PIP4P2: variants seen among roughly 807,000 people sequenced by gnomAD.
The protein encoded by PIP4P2 is type 2 phosphatidylinositol 4,5-bisphosphate 4-phosphatase.
In PIP4P2, 19 loss-of-function variants were observed where a neutral mutation model predicts 33.3. The ratio of observed to expected loss-of-function variants is 0.57; its 90% confidence interval spans 0.40 to 0.84. The LOEUF (loss-of-function observed/expected upper bound fraction) is 0.84. Among genes scored for constraint, PIP4P2 ranks in the 40% least tolerant of loss-of-function variants. PIP4P2 has a pLI of 0.00. For synonymous variants in PIP4P2, 110 were observed against 111.9 expected, an observed-to-expected ratio of 0.98 and a Z score of 0.11; for missense variants, 270 against 324.7, an observed-to-expected ratio of 0.83 and a Z score of 1.29.
Position 91,021,310 on chromosome 8 carries a change from C to G in PIP4P2, c.201G>C (p.Leu67Phe), listed in dbSNP as rs775397224. 1.3e-5 allele frequency: 21 copies of G among 1,613,774 alleles called. No individual in the cohort carries two copies. Among genetic ancestry groups the G allele is most frequent in the Non-Finnish European group, 1.8e-5 (21 of 1,179,804 alleles). ...NCRVCQSLINLDGKLHQHVVK... is the reference protein window; with the variant it reads ...NCRVCQSLINFDGKLHQHVVK... ...CCACATGCTGGTGAAGCTTGCCATC[C>G]AAATTGATTAGTGATTGGCACACAC... The change falls in exon 2 of 7, where the codon TTG becomes TTC. Residue 67 changes from leucine to phenylalanine, a missense_variant. Physicochemically the swap from Leu to Phe is conservative, Grantham distance 22. Transcript: ENST00000285419.
chr8:91,024,136 T>C (rs951305146), intron 1 of PIP4P2, among the ~76,000 whole-genome samples: 1 of 152,044 alleles, frequency 6.6e-6, no homozygotes. Context: ...ATCCAAGAGA[T>C]CAATAGAATG....
intron 1 of PIP4P2, among the ~76,000 whole-genome samples, chr8:91,025,831 G>A (rs1812076156): frequency 6.6e-6 from 1 of 152,090 alleles, no homozygotes; most frequent in East Asian, 1.9e-4. Context: ...GACTTAGCTT[G>A]GCCACTATGG....
At chr8:91,037,229 T>A (rs1428503368) in intron 1 of PIP4P2, among the ~76,000 whole-genome samples, 2 of 152,102 alleles carry the variant, frequency 1.3e-5, no homozygotes, top group Admixed American at 1.3e-4. Context: ...ATATCCACCA[T>A]ACCTATCTCT....
rs752247504 is a variant in PIP4P2 at position 91,040,635 on chromosome 8, T to C, written c.106+9A>G. 10 of 1,613,712 alleles carry C rather than the reference T, an allele frequency of 6.2e-6. No individual in the cohort carries two copies. The highest frequency in any genetic ancestry group is 5.5e-5 in the South Asian group (5 of 91,058). On this transcript the variant is annotated intron_variant, in intron 1 of 6. Coordinates refer to ENST00000285419, the MANE Select transcript of PIP4P2 (RefSeq NM_018710.3). The stretch of plus-strand genomic sequence containing the variant: ...CCTTGCAAAGTAGAGGGATCTACGC[T>C]GGCCTTACCTCTGGGGCTGCTTTCT...
chr8:91,002,437 A>G (rs758964836), intron 5 of PIP4P2, among the ~76,000 whole-genome samples: 8 of 152,190 alleles, frequency 5.3e-5, no homozygotes, highest in Non-Finnish European at 1.2e-4. Flanking sequence ...CTTATGAAAC[A>G]CTAGGATTAT....
At chr8:91,015,121 T>C (rs1446065056) in intron 4 of PIP4P2, among the ~76,000 whole-genome samples, 1 of 152,132 alleles carries the variant, frequency 6.6e-6, no homozygotes, top group East Asian at 1.9e-4. Context: ...TTTAAATTAA[T>C]GTCTATTGTT....
At chr8:91,014,128 G>A (rs1184786950) in intron 4 of PIP4P2, among the ~76,000 whole-genome samples, 2 of 152,152 alleles carry the variant, frequency 1.3e-5, no homozygotes, top group Non-Finnish European at 2.9e-5. Flanking sequence ...ACAATGGAAA[G>A]CAGATGGACT....
At chr8:90,995,892 A>G in intron 6 of PIP4P2, 72 bp from the exon 7 acceptor site, 1 of 1,455,732 alleles carries the variant, frequency 6.9e-7, no homozygotes. Context: ...AACTTGTATC[A>G]GCTTACATGT....
At chr8:91,021,509 C>G (rs903186722) in intron 1 of PIP4P2, 105 bp from the exon 2 acceptor site, 51 of 1,335,686 alleles carry the variant, frequency 3.8e-5, no homozygotes, top group Non-Finnish European at 3.4e-5. Context: ...GATTTTCCCA[C>G]GTTCTTTTAT....
chr8:91,024,766 GTTTTTCTAAATTAAAAAGCT>G (rs904286537), intron 1 of PIP4P2, among the ~76,000 whole-genome samples: 1 of 151,930 alleles, frequency 6.6e-6, no homozygotes, highest in Non-Finnish European at 1.5e-5. Flanking sequence ...TCTCCATGGG[GTTTTTCTAAATTAAAAAGCT>G]TTTTTCCTCC....
chr8:91,038,543 T>C (rs1368196039), intron 1 of PIP4P2, among the ~76,000 whole-genome samples: 2 of 152,162 alleles, frequency 1.3e-5, no homozygotes, highest in Admixed American at 1.3e-4. Context: ...TAATACAATA[T>C]AGTCTTCATG....
intron 6 of PIP4P2, 90 bp downstream of exon 6, chr8:90,996,564 C>T (rs550200949): frequency 9.2e-7 from 1 of 1,085,898 alleles, no homozygotes; most frequent in Non-Finnish European, 1.3e-6. Flanking sequence ...GCAGCCTCTT[C>T]AGGAATCCCT....
At chr8:91,024,401 GATTAATAATTGGATT>G in intron 1 of PIP4P2, 1 of 382,198 alleles carries the variant, frequency 2.6e-6, no homozygotes, top group Non-Finnish European at 5.2e-6. Context: ...TAATTTAAAT[GATTAATAATTGGATT>G]ATTATAGATT....
rs777707084 is a variant in PIP4P2, at chr8:91,020,168, T to C, written c.351A>G (p.Pro117=). ...TCTTTATCTCTTACCAGTTGGGTCT[T>C]GGGCATCCTATTCGCCGAGATGTGT... ...CKDTSRRIGC[P]RPNCRRIINL... is the part of the protein sequence containing the mutation. Residue 117 remains proline (P), a synonymous_variant, in exon 3 of 7, where the codon CCA becomes CCG. Transcript: ENST00000285419. The C allele has an allele frequency of 3.7e-6, 6 of 1,613,702 alleles. 1 individual carries two copies. In the South Asian group the frequency reaches 6.6e-5, roughly 18 times the overall value.
In PIP4P2 at chr8:91,015,192, C is replaced by A. The variant is rs147881075; in HGVS notation, c.486+3198G>T. On this transcript the variant is annotated intron_variant, in intron 4 of 6. Coordinates refer to ENST00000285419, the MANE Select transcript of PIP4P2 (RefSeq NM_018710.3). ...TCTTAGCTCCTAAAAGGCTGTCTCTCGGGCATATCTCCTACAAGAGATTAG... is the reference window on the plus strand; with the variant it reads ...TCTTAGCTCCTAAAAGGCTGTCTCTAGGGCATATCTCCTACAAGAGATTAG... 3.0e-3 allele frequency among the ~76,000 whole-genome samples: 457 copies of A among 152,238 alleles called. 4 individuals are homozygous for A. Among genetic ancestry groups the A allele is most frequent in the African/African-American group, 0.01 (429 of 41,548 alleles).
At chr8:91,010,400 G>C (rs1018305066) in intron 4 of PIP4P2, among the ~76,000 whole-genome samples, 4 of 151,846 alleles carry the variant, frequency 2.6e-5, no homozygotes, top group African/African-American at 7.2e-5. Context: ...GACTGACATA[G>C]GAATTTCAGT....
chr8:91,019,203 G>A (rs549911106), intron 3 of PIP4P2, among the ~76,000 whole-genome samples: 1 of 151,506 alleles, frequency 6.6e-6, no homozygotes, highest in Non-Finnish European at 1.5e-5. Context: ...AATATACAGT[G>A]AGATACACAA....
At chr8:90,996,765 AAG>A in intron 5 of PIP4P2, 21 bp from the exon 6 acceptor site, 2 of 1,570,502 alleles carry the variant, frequency 1.3e-6, no homozygotes, top group Non-Finnish European at 1.7e-6. Flanking sequence ...ATGAAAGCAA[AAG>A]AGAACATTAA....
chr8:91,022,810 C>A (rs997634435), intron 1 of PIP4P2, among the ~76,000 whole-genome samples: 1 of 152,012 alleles, frequency 6.6e-6, no homozygotes, highest in Non-Finnish European at 1.5e-5. Context: ...AAGTGGTATT[C>A]GTTCAAATGA....
Sources: gnomAD v4.1 joint callset for allele counts (sites outside exome capture counted in the v4.1 genomes callset) on GRCh38, gnomAD v4.1.1 for gene constraint, MANE v1.5 for transcripts, NCBI Gene and HGNC (gene_info 2026-07-23, HGNC 2026-07-21) for gene names.